MSRA: variants seen among roughly 807,000 people sequenced by gnomAD.
The protein encoded by MSRA is methionine sulfoxide reductase A.
MSRA carries 54 observed loss-of-function variants against 31.3 expected under a neutral mutation model. The observed-to-expected ratio is 1.73, with a 90% CI of 1.39 to 2.17. The LOEUF is 2.17. MSRA is among the 30% of genes most tolerant of loss of function. The pLI is 0.00. For synonymous variants in MSRA, 169 were observed against 116.5 expected, an observed-to-expected ratio of 1.45 and a Z score of -2.90; for missense variants, 507 against 300.9, an observed-to-expected ratio of 1.69 and a Z score of -5.07.
chr8:10,334,776 T>G (rs1802920354), intron 5 of MSRA, among the ~76,000 whole-genome samples: 1 of 152,154 alleles, frequency 6.6e-6, no homozygotes, highest in African/African-American at 2.4e-5. Flanking sequence ...AGAAAGAAAA[T>G]AGATGGTCCC....
intron 5 of MSRA, among the ~76,000 whole-genome samples, chr8:10,321,677 ACT>A (rs776605144): frequency 6.6e-6 from 1 of 151,474 alleles, no homozygotes; most frequent in Non-Finnish European, 1.5e-5. Flanking sequence ...TATTGTGAAA[ACT>A]CTCTGTTACC....
At chr8:10,060,608 T>C (rs1215977346) in intron 1 of MSRA, among the ~76,000 whole-genome samples, 1 of 152,170 alleles carries the variant, frequency 6.6e-6, no homozygotes, top group Non-Finnish European at 1.5e-5. Flanking sequence ...TTGACCACCT[T>C]TCTGTCATCT....
At chr8:10,235,219 C>G (rs1476119165) in intron 2 of MSRA, among the ~76,000 whole-genome samples, 1 of 152,086 alleles carries the variant, frequency 6.6e-6, no homozygotes, top group Non-Finnish European at 1.5e-5. Flanking sequence ...AGACCACATT[C>G]TCTAACATGA....
At chr8:10,405,899 C>T (rs1168340371) in intron 5 of MSRA, among the ~76,000 whole-genome samples, 4 of 152,266 alleles carry the variant, frequency 2.6e-5, no homozygotes, top group Admixed American at 1.3e-4. Flanking sequence ...TTCACATACA[C>T]GCTGTACTCA....
chr8:10,247,917 C>A (rs4295669), intron 3 of MSRA, among the ~76,000 whole-genome samples: 40,561 of 151,860 alleles, frequency 0.27, 5,565 homozygotes, highest in Admixed American at 0.36. Flanking sequence ...TAAGGTCCCT[C>A]GCTAGAGTAA....
At chr8:10,302,132 AG>A (rs1452823797) in intron 4 of MSRA, among the ~76,000 whole-genome samples, 60 of 152,348 alleles carry the variant, frequency 3.9e-4, no homozygotes, top group African/African-American at 1.3e-3. Context: ...AGGTCCACAA[AG>A]CTTGCTCATT....
chr8:10,060,419 G>T (rs976254388), intron 1 of MSRA, among the ~76,000 whole-genome samples: 2 of 152,182 alleles, frequency 1.3e-5, no homozygotes, highest in Admixed American at 1.3e-4. Flanking sequence ...AATATGTATA[G>T]AGAAACTTTG....
chr8:10,105,849 C>T (rs1799845148), intron 1 of MSRA, among the ~76,000 whole-genome samples: 1 of 152,176 alleles, frequency 6.6e-6, no homozygotes, highest in African/African-American at 2.4e-5. Context: ...AAACAAAACC[C>T]ACCTAATCTT....
At chr8:10,312,429 G>T (rs1375654635) in intron 4 of MSRA, among the ~76,000 whole-genome samples, 1 of 152,194 alleles carries the variant, frequency 6.6e-6, no homozygotes. Context: ...TAAAAATATA[G>T]TTTAATAAAA....
chr8:10,117,210 T>C (rs1800748184), intron 1 of MSRA, among the ~76,000 whole-genome samples: 1 of 152,124 alleles, frequency 6.6e-6, no homozygotes, highest in African/African-American at 2.4e-5. Context: ...TTTGTTGAGT[T>C]CCTAGGTTTG....
intron 1 of MSRA, among the ~76,000 whole-genome samples, chr8:10,063,866 C>T (rs768406639): frequency 2.0e-4 from 30 of 152,204 alleles, no homozygotes; most frequent in Non-Finnish European, 3.4e-4. Flanking sequence ...CGGACTGAGA[C>T]ACAGGATGTT....
intron 1 of MSRA, among the ~76,000 whole-genome samples, chr8:10,196,016 A>G (rs979693003): frequency 6.6e-6 from 1 of 152,148 alleles, no homozygotes; most frequent in Non-Finnish European, 1.5e-5. Flanking sequence ...TCAGCTGACC[A>G]TTACCTCCGA....
intron 3 of MSRA, among the ~76,000 whole-genome samples, chr8:10,271,495 G>A (rs1799036254): frequency 2.6e-4 from 2 of 7,640 alleles, no homozygotes. Flanking sequence ...ACAATAATCA[G>A]GGGAACTTGA....
At chr8:10,311,878 C>T (rs986278245) in intron 4 of MSRA, among the ~76,000 whole-genome samples, 3 of 152,192 alleles carry the variant, frequency 2.0e-5, no homozygotes, top group Non-Finnish European at 2.9e-5. Context: ...GATTGTGCCA[C>T]TGCACACCAG....
At chr8:10,337,517 T>G in intron 5 of MSRA, 1 of 575,338 alleles carries the variant, frequency 1.7e-6, no homozygotes, top group Non-Finnish European at 3.1e-6. Context: ...AAAAAGACTG[T>G]GTGCTACTAG....
chr8:10,328,537 C>T (rs973486881), intron 5 of MSRA, among the ~76,000 whole-genome samples: 2 of 152,098 alleles, frequency 1.3e-5, no homozygotes, highest in Admixed American at 6.5e-5. Context: ...GAGTGATATT[C>T]CTCAGTGTAC....
intron 2 of MSRA, among the ~76,000 whole-genome samples, chr8:10,228,589 G>C (rs757472368): frequency 6.6e-6 from 1 of 152,196 alleles, no homozygotes; most frequent in African/African-American, 2.4e-5. Context: ...GCAGGCATCC[G>C]TAGTGGTCCA....
At chr8:10,164,549 C>T (rs1261234616) in intron 1 of MSRA, among the ~76,000 whole-genome samples, 2 of 152,194 alleles carry the variant, frequency 1.3e-5, no homozygotes, top group African/African-American at 4.8e-5. Context: ...TAATAAACAA[C>T]CCAATGTCAC....
chr8:10,340,404 CCT>C (rs1803351032), intron 5 of MSRA, among the ~76,000 whole-genome samples: 1 of 152,200 alleles, frequency 6.6e-6, no homozygotes, highest in South Asian at 2.1e-4. Flanking sequence ...ACAAAGTTTT[CCT>C]CTGTCACCCA....
Sources: gnomAD v4.1 joint callset for allele counts (sites outside exome capture counted in the v4.1 genomes callset) on GRCh38, gnomAD v4.1.1 for gene constraint, MANE v1.5 for transcripts, NCBI Gene and HGNC (gene_info 2026-07-23, HGNC 2026-07-21) for gene names.